Variants in ZSCAN31 observed in about 807,000 individuals in gnomAD.
ZSCAN31 encodes the protein zinc finger and SCAN domain-containing protein 31.
Under a neutral mutation model 22.5 loss-of-function variants are expected in ZSCAN31, and 14 were observed. The observed-to-expected ratio is 0.62, with a 90% CI of 0.41 to 0.97. The LOEUF (loss-of-function observed/expected upper bound fraction) is 0.97, where lower values mean the gene tolerates loss of function less well. Ranked by LOEUF, ZSCAN31 falls within the 50% of genes least tolerant of loss-of-function variation. ZSCAN31 has a pLI of 0.00. For synonymous variants in ZSCAN31, 168 were observed against 169.8 expected, an observed-to-expected ratio of 0.99 and a Z score of 0.08; for missense variants, 424 against 483.4, an observed-to-expected ratio of 0.88 and a Z score of 1.15.
intron 2 of ZSCAN31, among the ~76,000 whole-genome samples, chr6:28,343,673 C>T (rs1381994908): frequency 6.6e-6 from 1 of 151,294 alleles, no homozygotes; most frequent in Non-Finnish European, 1.5e-5. Context: ...CTACAGGCGC[C>T]CACCACCATG....
rs979013133 is a variant in ZSCAN31 at position 28,329,935 on chromosome 6, G to C, written c.-95-157C>G. Among the ~76,000 whole-genome samples the C allele has an allele frequency of 5.9e-5, 9 of 152,280 alleles. No homozygotes were observed. The South Asian group carries it at 1.2e-3, about 21-fold the overall frequency. The stretch of plus-strand genomic sequence containing the variant: ...TGTTTAGCAACTGGGAAAAGGCTAT[G>C]GCAGAGTATGTTAATGGCCTCAATT... On this transcript the variant is annotated intron_variant, in intron 1 of 3. Coordinates refer to ENST00000344279, the MANE Select transcript of ZSCAN31 (RefSeq NM_030899.5).
In ZSCAN31 at chr6:28,347,552, T is replaced by G. The variant is rs1764691159; in HGVS notation, c.-370-5760A>C. Among the ~76,000 whole-genome samples the G allele has an allele frequency of 6.6e-6, 1 of 152,226 alleles. No individual in the cohort carries two copies. Among genetic ancestry groups the G allele is most frequent in the African/African-American group, 2.4e-5 (1 of 41,462 alleles). Reference sequence around the variant, plus strand: ...TTCCAGTTTATGTATTTATTTATTCTGCTTAATTCTTTTGTTTGTTTTTGT... The same window carrying G: ...TTCCAGTTTATGTATTTATTTATTCGGCTTAATTCTTTTGTTTGTTTTTGT... On this transcript the variant is annotated intron_variant, in intron 2 of 7. Transcript: ENST00000396838. The surrounding 1 kb of genome is among the most constrained non-coding windows in gnomAD (Gnocchi z 5.2).
chr6:28,337,391 G>C (rs1337392498), upstream of ZSCAN31, among the ~76,000 whole-genome samples: 1 of 152,236 alleles, frequency 6.6e-6, no homozygotes, highest in Non-Finnish European at 1.5e-5. Context: ...TGGCAGCCAT[G>C]TGGGGATGGA....
intron 2 of ZSCAN31, 89 bp from the exon 3 acceptor site, chr6:28,327,622 G>C (rs1422937220): frequency 7.1e-7 from 1 of 1,408,634 alleles, no homozygotes; most frequent in East Asian, 2.3e-5. Context: ...GGAACTATAT[G>C]AAACATTTTC....
Position 28,331,020 on chromosome 6 carries a change from A to C in ZSCAN31, c.-95-1242T>G, listed in dbSNP as rs904630033. ...GACAGGCAAAGCTGAACTATAGAAT[A>C]TGGGTTGTGGGTAAAATTGTGAGAG... On this transcript the variant is annotated intron_variant, in intron 1 of 3. Transcript: ENST00000344279. The surrounding 1 kb of genome is among the most constrained non-coding windows in gnomAD (Gnocchi z 4.8). Among the ~76,000 whole-genome samples, 7 of 152,166 alleles carry C rather than the reference A, an allele frequency of 4.6e-5. No individual in the cohort carries two copies. Among genetic ancestry groups the C allele is most frequent in the Non-Finnish European group, 8.8e-5 (6 of 68,010 alleles).
rs777626482 is a variant in ZSCAN31, at chr6:28,329,319, C to T, written c.365G>A (p.Ser122Asn). Reference sequence around the variant, plus strand: ...TCCTCTCACCTGGTTCCCTGGCTCACTAAGCTCTTGTTCCAGATCTTCAAC... The same window carrying T: ...TCCTCTCACCTGGTTCCCTGGCTCATTAAGCTCTTGTTCCAGATCTTCAAC... Reference protein sequence around the residue: ...AVVEDLEQELSEPGNQAPDHE... With the variant: ...AVVEDLEQELNEPGNQAPDHE... Residue 122 changes from serine (S) to asparagine (N), a missense_variant, in exon 2 of 4, where the codon AGT becomes AAT. Coordinates refer to ENST00000344279, the MANE Select transcript of ZSCAN31 (RefSeq NM_030899.5). 4.4e-6 allele frequency: 7 copies of T among 1,585,948 alleles called. No individual in the cohort carries two copies. In the Middle Eastern group the frequency reaches 1.0e-3, roughly 232 times the overall value.
At chr6:28,340,478 CTCT>C (rs986778649), upstream of ZSCAN31, among the ~76,000 whole-genome samples, 6 of 152,220 alleles carry the variant, frequency 3.9e-5, no homozygotes, top group African/African-American at 1.4e-4. Flanking sequence ...TCACTCTGTT[CTCT>C]TCTTCTCTCT....
chr6:28,337,188 A>C (rs575478461), upstream of ZSCAN31, among the ~76,000 whole-genome samples: 2 of 152,296 alleles, frequency 1.3e-5, no homozygotes, highest in South Asian at 4.1e-4. Context: ...AAAGGAAATA[A>C]ATTTCTGGGA....
In ZSCAN31 at chr6:28,344,350, T is replaced by C. The variant is rs548675501; in HGVS notation, c.-370-2558A>G. ...TAGTTCTATCAGATCCACCAAGATA[T>C]CAGATTGGATGGGTCCAGCAACAGT... On this transcript the variant is annotated intron_variant, in intron 2 of 7. Transcript: ENST00000396838. Among the ~76,000 whole-genome samples the C allele has an allele frequency of 2.5e-3, 374 of 152,296 alleles. 3 individuals carry two copies. Among genetic ancestry groups the C allele is most frequent in the Non-Finnish European group, 3.3e-3 (227 of 68,032 alleles).
At chr6:28,334,637 G>A (rs987169224) in intron 1 of ZSCAN31, among the ~76,000 whole-genome samples, 8 of 152,202 alleles carry the variant, frequency 5.3e-5, no homozygotes, top group Non-Finnish European at 1.0e-4. Context: ...CAGGAAGACT[G>A]GAAGAGCCTC....
At chr6:28,341,299 G>A (rs1478342136) in intron 3 of ZSCAN31, among the ~76,000 whole-genome samples, 2 of 152,156 alleles carry the variant, frequency 1.3e-5, no homozygotes, top group Non-Finnish European at 2.9e-5. Context: ...ATAGAAATTC[G>A]TTGCTCACAG....
chr6:28,326,750 C>A lies in ZSCAN31; in HGVS notation c.637G>T (p.Asp213Tyr), dbSNP rs181459547. The A allele has an allele frequency of 1.4e-5, 23 of 1,614,008 alleles. No individual in the cohort carries two copies. Among genetic ancestry groups the A allele is most frequent in the African/African-American group, 4.0e-5 (3 of 75,030 alleles). The change falls in exon 4 of 4, where the codon GAT (aspartate) becomes TAT (tyrosine). Residue 213 changes from aspartate to tyrosine, a missense_variant. Coordinates refer to ENST00000344279, the MANE Select transcript of ZSCAN31 (RefSeq NM_030899.5). Reference protein sequence around the residue: ...DSKLQRDVSLDSKYRETCKRD... With the variant: ...DSKLQRDVSLYSKYRETCKRD... The stretch of plus-strand genomic sequence containing the variant: ...TTACAAGTTTCTCTGTACTTAGAAT[C>A]CAAAGATACATCTCTTTGGAGTTTG...
chr6:28,333,309 A>G lies in ZSCAN31; in HGVS notation c.-96+2773T>C, dbSNP rs141979296. Among the ~76,000 whole-genome samples, 11 of 152,238 alleles carry G rather than the reference A, an allele frequency of 7.2e-5. No homozygotes were observed. The highest frequency in any genetic ancestry group is 2.2e-4 in the African/African-American group (9 of 41,462). Reference sequence around the variant, plus strand: ...TAGTAACTAACCTATTTATTTGCTCATTTAGTCAATAAATGTTCATTGAGC... The same window carrying G: ...TAGTAACTAACCTATTTATTTGCTCGTTTAGTCAATAAATGTTCATTGAGC... On this transcript the variant is annotated intron_variant, in intron 1 of 3. Coordinates refer to ENST00000344279, the MANE Select transcript of ZSCAN31 (RefSeq NM_030899.5). The surrounding 1 kb of genome is among the most constrained non-coding windows in gnomAD (Gnocchi z 4.1).
intron 2 of ZSCAN31, among the ~76,000 whole-genome samples, chr6:28,343,940 G>C (rs1009430691): frequency 6.6e-6 from 1 of 152,176 alleles, no homozygotes; most frequent in Non-Finnish European, 1.5e-5. Flanking sequence ...AGGAACAAAA[G>C]CATGAAAAGA....
At chr6:28,348,707 C>T (rs1055453602) in intron 2 of ZSCAN31, among the ~76,000 whole-genome samples, 1 of 152,080 alleles carries the variant, frequency 6.6e-6, no homozygotes, top group Admixed American at 6.5e-5. Context: ...GTCTCGGATT[C>T]GTGACTCTTT....
rs1041818582 is a variant in ZSCAN31 at position 28,349,920 on chromosome 6, T to C, written c.-371+3942A>G. Reference sequence around the variant, plus strand: ...GTGGCTAGAGAGGCCCGGAAGTGGCTTCTGTGCCCCGCCCTGCGGGTGGTT... The same window carrying C: ...GTGGCTAGAGAGGCCCGGAAGTGGCCTCTGTGCCCCGCCCTGCGGGTGGTT... On this transcript the variant is annotated intron_variant, in intron 2 of 7. Coordinates refer to the ZSCAN31 transcript ENST00000396838. The surrounding 1 kb of genome is among the most constrained non-coding windows in gnomAD (Gnocchi z 4.1). 6.6e-6 allele frequency: 1 copy of C among 152,224 alleles called. No individual in the cohort carries two copies. Among genetic ancestry groups the C allele is most frequent in the African/African-American group, 2.4e-5 (1 of 41,454 alleles). 9.4% of individuals were successfully genotyped at this position (152,224 alleles called of 1,614,324 possible).
chr6:28,327,939 G>A (rs1427492597), intron 2 of ZSCAN31, among the ~76,000 whole-genome samples: 1 of 152,192 alleles, frequency 6.6e-6, no homozygotes, highest in African/African-American at 2.4e-5. Context: ...AAGGGACAGA[G>A]TACAAAAGAG....
chr6:28,325,990 C>T lies in ZSCAN31; in HGVS notation c.*176G>A, dbSNP rs1409730253. On this transcript the variant is annotated 3_prime_UTR_variant, in exon 4 of 4. Transcript: ENST00000344279. ...TGTAGACAAGTGGTTCAATGCAATA[C>T]AAAATAAATTTTATAAGAACAGAAT... 2 of 640,968 alleles carry T rather than the reference C, an allele frequency of 3.1e-6. No homozygotes were observed. Among genetic ancestry groups the T allele is most frequent in the African/African-American group, 1.8e-5 (1 of 55,694 alleles). 39.7% of individuals were successfully genotyped at this position (640,968 alleles called of 1,614,324 possible).
chr6:28,353,062 G>A (rs940591735), intron 2 of ZSCAN31, among the ~76,000 whole-genome samples: 3 of 150,892 alleles, frequency 2.0e-5, no homozygotes, highest in East Asian at 2.0e-4. Flanking sequence ...TCCGCCTTCC[G>A]GGTTCAAGCG....
Sources: allele counts gnomAD v4.1 joint callset (sites outside exome capture counted in the v4.1 genomes callset), GRCh38; gene constraint gnomAD v4.1.1; non-coding constraint Gnocchi (gnomAD v3.1); transcripts MANE v1.5; gene names NCBI Gene and HGNC (gene_info 2026-07-23, HGNC 2026-07-21).